Variants in TAFA5 observed in about 807,000 individuals in gnomAD.
TAFA5 encodes the protein TAFA chemokine like family member 5.
In TAFA5, 6 loss-of-function variants were observed where a neutral mutation model predicts 15.3. The observed-to-expected ratio is 0.39, with a 90% CI of 0.21 to 0.77. The LOEUF (loss-of-function observed/expected upper bound fraction) is 0.77, where lower values mean the gene tolerates loss of function less well. TAFA5 is among the 30% of genes least tolerant of loss of function. The pLI is 0.41. For synonymous variants in TAFA5, 103 were observed against 80.7 expected, an observed-to-expected ratio of 1.28 and a Z score of -1.48; for missense variants, 161 against 193.1, an observed-to-expected ratio of 0.83 and a Z score of 0.98.
intron 1 of TAFA5, among the ~76,000 whole-genome samples, chr22:48,521,816 AGG>A: frequency 6.6e-6 from 1 of 152,284 alleles, no homozygotes; most frequent in South Asian, 2.1e-4. Context: ...GTTCCTTAGC[AGG>A]GCTCTCTGCG....
intron 1 of TAFA5, among the ~76,000 whole-genome samples, chr22:48,556,655 C>T (rs990806699): frequency 1.3e-5 from 2 of 152,302 alleles, no homozygotes; most frequent in African/African-American, 2.4e-5. Context: ...ACAGGTGTGG[C>T]GGGGCAGTGA....
At chr22:48,601,475 C>T (rs937842942) in intron 1 of TAFA5, among the ~76,000 whole-genome samples, 5 of 152,082 alleles carry the variant, frequency 3.3e-5, no homozygotes, top group Non-Finnish European at 7.4e-5. Context: ...TACAGGCATG[C>T]ACCACCATGC....
chr22:48,688,126 T>G (rs1421611677), intron 2 of TAFA5, among the ~76,000 whole-genome samples: 5 of 151,960 alleles, frequency 3.3e-5, no homozygotes, highest in Non-Finnish European at 7.4e-5. Context: ...CTCTCTCATC[T>G]AATTTGATGA....
rs150820808 is a variant in TAFA5, at chr22:48,745,673, T to A, written c.391-4166T>A. ...TTCAGTCTCAGCTGATGACTGTTCA[T>A]CTGGGGCAGCAGCGGTGCCTCCTGT... is the stretch of plus-strand genomic sequence containing the variant. On this transcript the variant is annotated intron_variant, in intron 3 of 3. Transcript: ENST00000402357. Among the ~76,000 whole-genome samples, 416 of 152,192 alleles carry A rather than the reference T, an allele frequency of 2.7e-3. 1 individual carries two copies. Among genetic ancestry groups the A allele is most frequent in the African/African-American group, 9.6e-3 (397 of 41,432 alleles).
chr22:48,548,500 C>T (rs1922752030), intron 1 of TAFA5, among the ~76,000 whole-genome samples: 1 of 152,210 alleles, frequency 6.6e-6, no homozygotes, highest in Non-Finnish European at 1.5e-5. Context: ...GCAGTGGTGG[C>T]TTTGACCGTG....
chr22:48,538,360 G>A (rs1323507892), intron 1 of TAFA5, among the ~76,000 whole-genome samples: 2 of 152,196 alleles, frequency 1.3e-5, no homozygotes, highest in East Asian at 1.9e-4. Flanking sequence ...GCCATGGGGC[G>A]CCCCATCCTC....
At chr22:48,605,348 ATGG>A (rs1178982265) in intron 1 of TAFA5, among the ~76,000 whole-genome samples, 2 of 146,740 alleles carry the variant, frequency 1.4e-5, no homozygotes, top group African/African-American at 5.1e-5. Context: ...GGTGATGGCG[ATGG>A]TGATGATGGT....
chr22:48,524,306 G>A (rs1921707226), intron 1 of TAFA5, among the ~76,000 whole-genome samples: 1 of 152,214 alleles, frequency 6.6e-6, no homozygotes, highest in South Asian at 2.1e-4. Context: ...GGCGTTTGGA[G>A]TGGAGAGGAA....
At chr22:48,646,810 TC>T in intron 2 of TAFA5, 64 bp downstream of exon 2, 1 of 1,505,042 alleles carries the variant, frequency 6.6e-7, no homozygotes, top group Non-Finnish European at 8.9e-7. Flanking sequence ...AGGTGCCTCT[TC>T]CCTGACGCGG....
At chr22:48,711,974 G>C (rs1221069354) in intron 3 of TAFA5, among the ~76,000 whole-genome samples, 1 of 152,262 alleles carries the variant, frequency 6.6e-6, no homozygotes, top group African/African-American at 2.4e-5. Context: ...CAATGCCTGC[G>C]CCTCTCTGTG....
At chr22:48,581,453 G>A (rs1362283562) in intron 1 of TAFA5, among the ~76,000 whole-genome samples, 2 of 152,234 alleles carry the variant, frequency 1.3e-5, no homozygotes, top group Admixed American at 6.5e-5. Context: ...AGCACAGTGC[G>A]AGAAAGCCGT....
At chr22:48,546,403 T>G (rs1922670027) in intron 1 of TAFA5, 2 of 448,908 alleles carry the variant, frequency 4.5e-6, no homozygotes, top group African/African-American at 4.0e-5. Context: ...ACTGGATGGC[T>G]CTTGGAGGTC....
intron 1 of TAFA5, chr22:48,545,304 CAG>C (rs1922623946): frequency 4.0e-6 from 1 of 248,664 alleles, no homozygotes; most frequent in African/African-American, 2.2e-5. Context: ...GCCCCTGCCT[CAG>C]AGGGGGCTGG....
At chr22:48,506,039 G>A (rs1317999077) in intron 1 of TAFA5, among the ~76,000 whole-genome samples, 4 of 152,078 alleles carry the variant, frequency 2.6e-5, no homozygotes, top group African/African-American at 9.7e-5. Context: ...CCCTTTCTTG[G>A]GAGCAGGTTT....
chr22:48,717,962 G>C (rs1170717551), intron 3 of TAFA5, among the ~76,000 whole-genome samples: 1 of 152,246 alleles, frequency 6.6e-6, no homozygotes, highest in Non-Finnish European at 1.5e-5. Context: ...GGAGCCGTCT[G>C]TCCTGCGTGT....
chr22:48,646,106 A>G (rs1392355625), intron 1 of TAFA5, among the ~76,000 whole-genome samples: 2 of 152,072 alleles, frequency 1.3e-5, no homozygotes, highest in African/African-American at 4.8e-5. Context: ...CTGGTTCCAC[A>G]CAACTTTTGA....
chr22:48,602,168 G>A (rs1484093143), intron 1 of TAFA5, among the ~76,000 whole-genome samples: 1 of 152,224 alleles, frequency 6.6e-6, no homozygotes, highest in Non-Finnish European at 1.5e-5. Flanking sequence ...TCAAGCCCCA[G>A]GCAGTGAAGG....
At chr22:48,568,609 G>A (rs915820059) in intron 1 of TAFA5, among the ~76,000 whole-genome samples, 6 of 152,228 alleles carry the variant, frequency 3.9e-5, no homozygotes, top group Non-Finnish European at 8.8e-5. Context: ...GAGACCAACC[G>A]TGTGCAGTGT....
At chr22:48,508,115 G>A (rs913042523) in intron 1 of TAFA5, among the ~76,000 whole-genome samples, 2 of 152,200 alleles carry the variant, frequency 1.3e-5, no homozygotes, top group Admixed American at 1.3e-4. Flanking sequence ...GAGCCAGTAC[G>A]TGGACAGCCC....
Sources: gnomAD v4.1 joint callset for allele counts (sites outside exome capture counted in the v4.1 genomes callset) on GRCh38, gnomAD v4.1.1 for gene constraint, MANE v1.5 for transcripts, NCBI Gene and HGNC (gene_info 2026-07-23, HGNC 2026-07-21) for gene names.